The following GID8 variants were observed in gnomAD, a reference collection of about 807,000 sequenced individuals.
GID8 encodes glucose-induced degradation protein 8 homolog.
A neutral mutation model predicts 27.4 loss-of-function variants in GID8; 6 were observed. The ratio of observed to expected loss-of-function variants is 0.22; its 90% CI spans 0.12 to 0.43. The LOEUF is 0.43. Ranked by LOEUF, GID8 falls within the 20% of genes least tolerant of loss-of-function variation. The pLI is 1.00. For synonymous variants in GID8, 112 were observed against 109.0 expected, an observed-to-expected ratio of 1.03 and a Z score of -0.17; for missense variants, 173 against 287.6, an observed-to-expected ratio of 0.60 and a Z score of 2.88.
In GID8 at chr20:62,945,113, G is replaced by A; in HGVS notation, c.*201G>A. The A allele has an allele frequency of 7.2e-7, 1 of 1,385,948 alleles. No homozygotes were observed. The highest frequency in any genetic ancestry group is 9.3e-7 in the Non-Finnish European group (1 of 1,070,712). The allele number at this position is 1,385,948 out of a possible 1,614,324, so 85.9% of individuals were successfully genotyped here. On this transcript the variant is annotated 3_prime_UTR_variant, in exon 5 of 5. Transcript: ENST00000266069. ...TGCAAGGAAAGCTGCCGTCTCTTTG[G>A]CAGTCTGATGCAGAGCCTGCACTCT...
At position 62,945,302 on chromosome 20, in the gene GID8, A is replaced by AG; in HGVS notation, c.*392dup. On this transcript the variant is annotated 3_prime_UTR_variant, in exon 5 of 5. Coordinates refer to ENST00000266069, the MANE Select transcript of GID8 (RefSeq NM_017896.3). ...TCATGATTCTGCTTTCTGTTAGCTT[A>AG]GGCAGACATTGGGCCTTCACCTACA... 4 of 1,003,818 alleles carry AG rather than the reference A, an allele frequency of 4.0e-6. No homozygotes were observed. The highest frequency in any genetic ancestry group is 4.8e-6 in the Non-Finnish European group (4 of 841,148). The allele number at this position is 1,003,818 out of a possible 1,614,324, so 62.2% of individuals were successfully genotyped here. A position where few individuals can be genotyped will look rare whatever the true frequency, so the allele number is the denominator to read the frequency against.
Position 62,943,308 on chromosome 20 carries a change from A to G in GID8, c.315+125A>G, listed in dbSNP as rs2254953. The G allele has an allele frequency of 0.72, 658,773 of 921,230 alleles. 236,760 individuals carry two copies. Among genetic ancestry groups the G allele is most frequent in the Admixed American group, 0.75 (29,048 of 38,922 alleles). The allele number at this position is 921,230 out of a possible 1,614,324, so 57.1% of individuals were successfully genotyped here. The stretch of plus-strand genomic sequence containing the variant: ...TTATTTCAATGCATGTGAGGGGGAG[A>G]GGTTTGAGTTTGCTCTTTTATGTAG... On this transcript the variant is annotated intron_variant, in intron 3 of 4. Transcript: ENST00000266069. The surrounding 1 kb of genome is among the most constrained non-coding windows in gnomAD (Gnocchi z 4.7).
Position 62,944,936 on chromosome 20 carries a change from C to G in GID8, c.*24C>G. The G allele has an allele frequency of 6.3e-7, 1 of 1,597,044 alleles. No individual in the cohort carries two copies. The highest frequency in any genetic ancestry group is 8.5e-7 in the Non-Finnish European group (1 of 1,171,046). On this transcript the variant is annotated 3_prime_UTR_variant, in exon 5 of 5. Transcript: ENST00000266069. ...AGCGCCTGCGCTTGCGTGGTGGATC[C>G]AACACCAGCCCTGCGTCGTGGGACT...
In GID8 at chr20:62,944,914, G is replaced by A. The variant is rs147612583; in HGVS notation, c.*2G>A. 2.6e-5 allele frequency: 42 copies of A among 1,607,794 alleles called. No homozygotes were observed. Among genetic ancestry groups the A allele is most frequent in the Admixed American group, 5.1e-5 (3 of 59,324 alleles). ...GGTGTGATTGAGGAGCCCAAGTAGCGCCTGCGCTTGCGTGGTGGATCCAAC... is the reference window on the plus strand; with the variant it reads ...GGTGTGATTGAGGAGCCCAAGTAGCACCTGCGCTTGCGTGGTGGATCCAAC... On this transcript the variant is annotated 3_prime_UTR_variant, in exon 5 of 5. Coordinates refer to ENST00000266069, the MANE Select transcript of GID8 (RefSeq NM_017896.3).
Position 62,947,169 on chromosome 20 carries a change from C to G in GID8, c.*2257C>G, listed in dbSNP as rs2065470117. The G allele has an allele frequency of 6.6e-6, 1 of 152,036 alleles. No individual in the cohort carries two copies. Among genetic ancestry groups the G allele is most frequent in the Non-Finnish European group, 1.5e-5 (1 of 67,988 alleles). The allele number at this position is 152,036 out of a possible 1,614,324, so 9.4% of individuals were successfully genotyped here. ...AGTCTCCAGCGTTACTGCTCTCCTT[C>G]CCTTCATGATAAGCCAGTGCCAGCA... is the stretch of plus-strand genomic sequence containing the variant. On this transcript the variant is annotated 3_prime_UTR_variant, in exon 5 of 5. Transcript: ENST00000266069.
At chr20:62,938,331 G>T (rs1308328192) in intron 1 of GID8, 78 bp downstream of exon 1, 1 of 150,866 alleles carries the variant, frequency 6.6e-6, no homozygotes, top group Admixed American at 6.6e-5. Flanking sequence ...GCGGGATGTG[G>T]CCGGGGTGCG....
At chr20:62,940,206 A>AC (rs1334593005) in intron 1 of GID8, among the ~76,000 whole-genome samples, 18 of 70,704 alleles carry the variant, frequency 2.5e-4, no homozygotes, top group Admixed American at 9.0e-4. Flanking sequence ...TTTTTTTGAG[A>AC]CGGAGTCTCG....
chr20:62,941,851 A>G (rs1319744673), intron 2 of GID8, among the ~76,000 whole-genome samples: 1 of 152,210 alleles, frequency 6.6e-6, no homozygotes, highest in Non-Finnish European at 1.5e-5. Context: ...AGCCTTTGAC[A>G]GTTTTACAGT....
In GID8 at chr20:62,947,036, CTA is replaced by C. The variant is rs1392125447; in HGVS notation, c.*2126_*2127del. The C allele has an allele frequency of 3.9e-5, 6 of 152,260 alleles. No individual in the cohort carries two copies. Among genetic ancestry groups the C allele is most frequent in the African/African-American group, 1.4e-4 (6 of 41,460 alleles). The allele number at this position is 152,260 out of a possible 1,614,324, so 9.4% of individuals were successfully genotyped here. A position where few individuals can be genotyped will look rare whatever the true frequency, so the allele number is the denominator to read the frequency against. On this transcript the variant is annotated 3_prime_UTR_variant, in exon 5 of 5. Coordinates refer to ENST00000266069, the MANE Select transcript of GID8 (RefSeq NM_017896.3). Reference sequence around the variant, plus strand: ...GGTCATTCACGTGCCTGGACTGTCACTATGTGGCTGTCACGTGAAGTGCTGGT... The same window carrying C: ...GGTCATTCACGTGCCTGGACTGTCACTGTGGCTGTCACGTGAAGTGCTGGT...
chr20:62,946,041 C>T lies in GID8; in HGVS notation c.*1129C>T, dbSNP rs1601074457. The T allele has an allele frequency of 7.8e-7, 1 of 1,286,926 alleles. No homozygotes were observed. The highest frequency in any genetic ancestry group is 1.0e-6 in the Non-Finnish European group (1 of 986,666). 79.7% of individuals were successfully genotyped at this position (1,286,926 alleles called of 1,614,324 possible). On this transcript the variant is annotated 3_prime_UTR_variant, in exon 5 of 5. Coordinates refer to ENST00000266069, the MANE Select transcript of GID8 (RefSeq NM_017896.3). ...CCTGCGAGTCGGGACAGTTGATGGG[C>T]ACATGGCCTTGTAGCTCTGGGCACA...
Position 62,943,740 on chromosome 20 carries a change from A to T in GID8, c.513+48A>T. On this transcript the variant is annotated intron_variant, in intron 4 of 4. Coordinates refer to ENST00000266069, the MANE Select transcript of GID8 (RefSeq NM_017896.3). The surrounding 1 kb of genome is among the most constrained non-coding windows in gnomAD (Gnocchi z 4.7). ...TTTCTTCCATTCCCCATGTGCTCTG[A>T]GGGGGCTTCGTGACAACGCCAAGTG... 3 of 1,449,882 alleles carry T rather than the reference A, an allele frequency of 2.1e-6. No individual in the cohort carries two copies. The highest frequency in any genetic ancestry group is 2.9e-6 in the Non-Finnish European group (3 of 1,038,408). 89.8% of individuals were successfully genotyped at this position (1,449,882 alleles called of 1,614,324 possible).
In GID8 at chr20:62,945,862, T is replaced by C; in HGVS notation, c.*950T>C. The C allele has an allele frequency of 1.6e-6, 2 of 1,289,734 alleles. No individual in the cohort carries two copies. Among genetic ancestry groups the C allele is most frequent in the Non-Finnish European group, 2.0e-6 (2 of 988,856 alleles). 79.9% of individuals were successfully genotyped at this position (1,289,734 alleles called of 1,614,324 possible). A position where few individuals can be genotyped will look rare whatever the true frequency, so the allele number is the denominator to read the frequency against. On this transcript the variant is annotated 3_prime_UTR_variant, in exon 5 of 5. Coordinates refer to ENST00000266069, the MANE Select transcript of GID8 (RefSeq NM_017896.3). Reference sequence around the variant, plus strand: ...CACGACTGTTGGCGGAAGGAACGCGTGTTCATCCTCAGTGATCTGCCCTCC... The same window carrying C: ...CACGACTGTTGGCGGAAGGAACGCGCGTTCATCCTCAGTGATCTGCCCTCC...
Position 62,945,718 on chromosome 20 carries a change from A to C in GID8, c.*806A>C. ...GCGTTCTTCCCCCTGTGATAGCGGC[A>C]GTGGCTTTTTCTGGTACCTGCAGCT... On this transcript the variant is annotated 3_prime_UTR_variant, in exon 5 of 5. Coordinates refer to ENST00000266069, the MANE Select transcript of GID8 (RefSeq NM_017896.3). 1 of 1,202,894 alleles carries C rather than the reference A, an allele frequency of 8.3e-7. No homozygotes were observed. Among genetic ancestry groups the C allele is most frequent in the Non-Finnish European group, 1.1e-6 (1 of 943,830 alleles). 74.5% of individuals were successfully genotyped at this position (1,202,894 alleles called of 1,614,324 possible).
chr20:62,940,963 C>T (rs1009268737), intron 1 of GID8, among the ~76,000 whole-genome samples: 7 of 152,124 alleles, frequency 4.6e-5, no homozygotes, highest in African/African-American at 1.7e-4. Flanking sequence ...GAGGCTGTTA[C>T]ATGGTAAATT....
At position 62,944,940 on chromosome 20, in the gene GID8, A is replaced by G. The variant is rs772752501; in HGVS notation, c.*28A>G. 8.2e-6 allele frequency: 13 copies of G among 1,593,226 alleles called. No homozygotes were observed. Among genetic ancestry groups the G allele is most frequent in the Admixed American group, 1.7e-5 (1 of 57,212 alleles). Reference sequence around the variant, plus strand: ...CCTGCGCTTGCGTGGTGGATCCAACACCAGCCCTGCGTCGTGGGACTTGCC... The same window carrying G: ...CCTGCGCTTGCGTGGTGGATCCAACGCCAGCCCTGCGTCGTGGGACTTGCC... On this transcript the variant is annotated 3_prime_UTR_variant, in exon 5 of 5. Coordinates refer to ENST00000266069, the MANE Select transcript of GID8 (RefSeq NM_017896.3).
intron 1 of GID8, among the ~76,000 whole-genome samples, chr20:62,940,677 T>G (rs1047790264): frequency 6.6e-6 from 1 of 152,208 alleles, no homozygotes; most frequent in Admixed American, 6.5e-5. Context: ...TCAGCATTGT[T>G]TTATGAGAGT....
At chr20:62,942,944 C>T in intron 2 of GID8, 43 bp from the exon 3 acceptor site, 1 of 1,481,868 alleles carries the variant, frequency 6.7e-7, no homozygotes, top group Non-Finnish European at 9.4e-7. Context: ...TGCCTTAATT[C>T]CTTGCTAACT....
Position 62,945,688 on chromosome 20 carries a change from T to C in GID8, c.*776T>C. 8.4e-7 allele frequency: 1 copy of C among 1,186,488 alleles called. No individual in the cohort carries two copies. The highest frequency in any genetic ancestry group is 1.1e-6 in the Non-Finnish European group (1 of 938,364). 73.5% of individuals were successfully genotyped at this position (1,186,488 alleles called of 1,614,324 possible). On this transcript the variant is annotated 3_prime_UTR_variant, in exon 5 of 5. Transcript: ENST00000266069. ...AATCATCTCAAATGACCTTTTGTCT[T>C]TGGGGCGTTCTTCCCCCTGTGATAG...
In GID8 at chr20:62,944,735, C is replaced by T. The variant is rs559957004; in HGVS notation, c.514-4C>T. On this transcript the variant is annotated splice_polypyrimidine_tract_variant and splice_region_variant and intron_variant, in intron 4 of 4. Coordinates refer to ENST00000266069, the MANE Select transcript of GID8 (RefSeq NM_017896.3). ...GGTTTTTATCAGATGTATTTATATT[C>T]TAGGTGTGGAGTGAAGTTAACCAAG... 6.3e-6 allele frequency: 10 copies of T among 1,598,174 alleles called. No homozygotes were observed. The East Asian group carries it at 6.7e-5, about 11-fold the overall frequency.
Sources: gnomAD v4.1 joint callset for allele counts (sites outside exome capture counted in the v4.1 genomes callset) on GRCh38, gnomAD v4.1.1 for gene constraint, Gnocchi (gnomAD v3.1) non-coding constraint, MANE v1.5 for transcripts, NCBI Gene and HGNC (gene_info 2026-07-23, HGNC 2026-07-21) for gene names.